Variants in NLN observed in about 807,000 individuals in gnomAD.
The protein encoded by NLN is neurolysin, mitochondrial.
A neutral mutation model predicts 79.9 loss-of-function variants in NLN; 64 were observed. The ratio of observed to expected loss-of-function variants is 0.80; its 90% CI spans 0.65 to 0.99. The LOEUF (loss-of-function observed/expected upper bound fraction) is 0.99, where lower values mean the gene tolerates loss of function less well. Ranked by LOEUF, NLN falls within the 50% of genes least tolerant of loss-of-function variation. NLN has a pLI of 0.00. For missense variants in NLN, 835 were observed against 858.7 expected, an observed-to-expected ratio of 0.97 and a Z score of 0.34; for synonymous variants, 267 against 296.6, an observed-to-expected ratio of 0.90 and a Z score of 1.02.
At chr5:65,792,380 T>C (rs1028860149) in intron 8 of NLN, 74 bp from the exon 9 acceptor site, 2 of 868,172 alleles carry the variant, frequency 2.3e-6, no homozygotes, top group African/African-American at 3.4e-5. Context: ...GCTTAATGAC[T>C]GGAAGAGGCC....
chr5:65,772,838 C>G (rs760361328), intron 3 of NLN, among the ~76,000 whole-genome samples: 2 of 151,592 alleles, frequency 1.3e-5, no homozygotes, highest in Admixed American at 6.6e-5. Context: ...TCAAGTGATT[C>G]TCCCACCTCA....
intron 3 of NLN, among the ~76,000 whole-genome samples, chr5:65,765,078 T>C (rs1258831966): frequency 6.6e-6 from 1 of 152,202 alleles, no homozygotes; most frequent in African/African-American, 2.4e-5. Flanking sequence ...AGCCATGATA[T>C]AGCATATAAA....
At chr5:65,795,089 A>T (rs1412430328) in intron 9 of NLN, among the ~76,000 whole-genome samples, 1 of 152,182 alleles carries the variant, frequency 6.6e-6, no homozygotes, top group Non-Finnish European at 1.5e-5. Flanking sequence ...GTGGTGGTTC[A>T]TGCCTGTAAT....
intron 12 of NLN, among the ~76,000 whole-genome samples, chr5:65,822,003 TTATTATCTGTA>T (rs536592046): frequency 7.1e-4 from 108 of 152,372 alleles, no homozygotes; most frequent in African/African-American, 2.6e-3. Flanking sequence ...TGTGAATTGT[TTATTATCTGTA>T]TATTTGGAAT....
intron 9 of NLN, among the ~76,000 whole-genome samples, chr5:65,797,025 A>G (rs1760186595): frequency 6.6e-6 from 1 of 152,252 alleles, no homozygotes; most frequent in Non-Finnish European, 1.5e-5. Flanking sequence ...TATGTCTGCT[A>G]TCTCTTCATT....
At chr5:65,814,154 T>G (rs1760618273) in intron 12 of NLN, among the ~76,000 whole-genome samples, 1 of 152,152 alleles carries the variant, frequency 6.6e-6, no homozygotes, top group African/African-American at 2.4e-5. Context: ...GTATAAGAAG[T>G]CTTTGCAAAC....
intron 12 of NLN, 118 bp downstream of exon 12, chr5:65,812,509 A>G (rs1224434224): frequency 4.5e-6 from 3 of 664,150 alleles, no homozygotes; most frequent in Non-Finnish European, 7.8e-6. Flanking sequence ...AACAGCTTTT[A>G]CCTCTGAGGC....
intron 12 of NLN, chr5:65,819,113 G>A (rs1194981633): frequency 6.6e-6 from 1 of 152,146 alleles, no homozygotes; most frequent in African/African-American, 2.4e-5. Context: ...TACTAATAGA[G>A]AAAATGAAGT....
At chr5:65,749,396 G>C (rs555201625) in intron 1 of NLN, among the ~76,000 whole-genome samples, 1 of 152,216 alleles carries the variant, frequency 6.6e-6, no homozygotes, top group Non-Finnish European at 1.5e-5. Flanking sequence ...GGTTTACCCT[G>C]TGTCAAGGCC....
At chr5:65,782,120 G>A (rs1377710085) in intron 6 of NLN, among the ~76,000 whole-genome samples, 1 of 152,206 alleles carries the variant, frequency 6.6e-6, no homozygotes, top group Non-Finnish European at 1.5e-5. Flanking sequence ...GGAAGATTCT[G>A]TACTATGGTG....
chr5:65,751,452 T>C (rs945876016), intron 1 of NLN, among the ~76,000 whole-genome samples: 1 of 152,156 alleles, frequency 6.6e-6, no homozygotes, highest in Admixed American at 6.5e-5. Flanking sequence ...GTGCAGTGCA[T>C]TGGGGTGGGG....
chr5:65,736,349 A>ATTTCAT (rs1758727667), intron 1 of NLN, among the ~76,000 whole-genome samples: 1 of 152,154 alleles, frequency 6.6e-6, no homozygotes, highest in Admixed American at 6.5e-5. Flanking sequence ...TTGGGCTTCC[A>ATTTCAT]TTTTCTTGAT....
chr5:65,725,897 A>G (rs2548784), intron 1 of NLN, among the ~76,000 whole-genome samples: 81,378 of 151,986 alleles, frequency 0.54, 22,108 homozygotes, highest in South Asian at 0.61. Flanking sequence ...TGGATCACGA[A>G]GTCAGGAGAT....
chr5:65,794,111 G>A (rs370351998), intron 9 of NLN, among the ~76,000 whole-genome samples: 4 of 152,190 alleles, frequency 2.6e-5, no homozygotes, highest in African/African-American at 9.7e-5. Flanking sequence ...CTGTATGGAA[G>A]TAACCCTGAA....
intron 1 of NLN, among the ~76,000 whole-genome samples, chr5:65,743,485 T>A (rs980148280): frequency 1.3e-5 from 2 of 152,222 alleles, no homozygotes. Flanking sequence ...CAAATCCTGG[T>A]TGAAATAAAA....
At chr5:65,793,630 TAA>T (rs57674135) in intron 9 of NLN, 3,747 of 142,780 alleles carry the variant, frequency 0.026, 70 homozygotes, top group African/African-American at 0.062. Context: ...GACCTTGACT[TAA>T]AAAAAAAAAA....
chr5:65,814,770 A>C (rs1288473003), intron 12 of NLN, among the ~76,000 whole-genome samples: 1 of 151,948 alleles, frequency 6.6e-6, no homozygotes, highest in African/African-American at 2.4e-5. Flanking sequence ...GAAAAAAGAC[A>C]AAAAAAAGTG....
chr5:65,730,633 T>C (rs1758585121), intron 1 of NLN, among the ~76,000 whole-genome samples: 1 of 151,994 alleles, frequency 6.6e-6, no homozygotes, highest in Non-Finnish European at 1.5e-5. Flanking sequence ...CTCAGCTCAC[T>C]GCAACCTCCT....
rs1431788162 is a variant in NLN at position 65,792,599 on chromosome 5, G to A, written c.1471G>A (p.Glu491Lys). Reference protein sequence around the residue: ...AGRPSLLRHDEVRTYFHEFGH... With the variant: ...AGRPSLLRHDKVRTYFHEFGH... ...TCGTCCCTCTCTCCTGAGACACGAC[G>A]AGGTGAGGACTTACTTTCATGAGTT... Residue 491 changes from glutamate (E) to lysine (K), a missense_variant, in exon 9 of 13, where the codon GAG becomes AAG. By Grantham distance (56) the Glu-to-Lys change is moderately conservative (BLOSUM62 1). Transcript: ENST00000380985. 5.0e-6 allele frequency: 8 copies of A among 1,614,036 alleles called. No individual in the cohort carries two copies. Among genetic ancestry groups the A allele is most frequent in the East Asian group, 2.2e-5 (1 of 44,878 alleles).
Sources: allele counts gnomAD v4.1 joint callset (sites outside exome capture counted in the v4.1 genomes callset), GRCh38; gene constraint gnomAD v4.1.1; transcripts MANE v1.5; gene names NCBI Gene and HGNC (gene_info 2026-07-23, HGNC 2026-07-21).